Variants in CACNA2D3 observed in about 807,000 individuals in gnomAD.
The protein encoded by CACNA2D3 is voltage-dependent calcium channel subunit alpha-2/delta-3.
Under a neutral mutation model 160.6 loss-of-function variants are expected in CACNA2D3, and 60 were observed. That is an observed-to-expected ratio of 0.37 (90% CI 0.30 to 0.46). The LOEUF (loss-of-function observed/expected upper bound fraction) is 0.46, where lower values mean the gene tolerates loss of function less well. Among genes scored for constraint, CACNA2D3 ranks in the 20% least tolerant of loss-of-function variants. CACNA2D3 has a pLI of 1.00. For synonymous variants in CACNA2D3, 558 were observed against 492.9 expected (o/e 1.13, Z -1.75); for missense variants, 1,205 against 1,365.0 (o/e 0.88, Z 1.85).
At chr3:54,233,847 T>C (rs1057497881) in intron 2 of CACNA2D3, among the ~76,000 whole-genome samples, 1 of 152,222 alleles carries the variant, frequency 6.6e-6, no homozygotes, top group African/African-American at 2.4e-5. Context: ...GAATTGATTT[T>C]ATCTAGAAGA....
At chr3:54,658,850 G>A (rs1184400434) in intron 11 of CACNA2D3, among the ~76,000 whole-genome samples, 1 of 152,018 alleles carries the variant, frequency 6.6e-6, no homozygotes, top group Non-Finnish European at 1.5e-5. Context: ...AAGGCCTGGT[G>A]TGATGGGTGC....
At chr3:54,660,612 C>A (rs1031267116) in intron 11 of CACNA2D3, among the ~76,000 whole-genome samples, 2 of 152,204 alleles carry the variant, frequency 1.3e-5, no homozygotes, top group African/African-American at 4.8e-5. Context: ...CTGAGGCTCC[C>A]AATGCCAAAT....
intron 2 of CACNA2D3, among the ~76,000 whole-genome samples, chr3:54,130,638 C>T (rs1181725387): frequency 1.3e-5 from 2 of 152,208 alleles, no homozygotes; most frequent in East Asian, 3.9e-4. Flanking sequence ...GCTGGCAGAA[C>T]TGAAGCAGCC....
chr3:54,901,826 T>A (rs1334568087), intron 27 of CACNA2D3, among the ~76,000 whole-genome samples: 1 of 152,208 alleles, frequency 6.6e-6, no homozygotes, highest in Non-Finnish European at 1.5e-5. Flanking sequence ...ACGAAGGCAG[T>A]GACCTCAAGA....
At chr3:54,618,797 C>T (rs1335508730) in intron 9 of CACNA2D3, among the ~76,000 whole-genome samples, 2 of 152,174 alleles carry the variant, frequency 1.3e-5, no homozygotes, top group African/African-American at 2.4e-5. Context: ...GACGAGTGCG[C>T]TGGCACCCAC....
intron 35 of CACNA2D3, among the ~76,000 whole-genome samples, chr3:55,041,701 A>C (rs1007730395): frequency 6.6e-6 from 1 of 150,904 alleles, no homozygotes; most frequent in Non-Finnish European, 1.5e-5. Flanking sequence ...GATTTCTTCT[A>C]TTTTCTTTGG....
chr3:54,821,641 G>GTTCTTTCTTTCTTT lies in CACNA2D3; in HGVS notation c.1398+4772_1398+4785dup, dbSNP rs1553873527. On this transcript the variant is annotated intron_variant, in intron 14 of 37. Transcript: ENST00000474759. ...AGCCTTCGTTTTTCTAGAGTCTTTC[G>GTTCTTTCTTTCTTT]TTCTTTCTTTCTTTCTTTCTTTCTT... Among the ~76,000 whole-genome samples, 71 of 107,824 alleles carry GTTCTTTCTTTCTTT rather than the reference G, an allele frequency of 6.6e-4. 1 individual carries two copies. Among genetic ancestry groups the GTTCTTTCTTTCTTT allele is most frequent in the South Asian group, 1.6e-3 (5 of 3,074 alleles). The allele number at this position is 107,824 out of a possible 152,430, so 70.7% of individuals were successfully genotyped here.
chr3:54,132,514 C>T (rs995885236), intron 2 of CACNA2D3, among the ~76,000 whole-genome samples: 3 of 152,190 alleles, frequency 2.0e-5, no homozygotes, highest in Non-Finnish European at 4.4e-5. Context: ...CAGGAGAGGG[C>T]TCACAGCTCA....
intron 28 of CACNA2D3, 39 bp downstream of exon 28, chr3:54,968,550 G>A (rs763009565): frequency 1.4e-5 from 21 of 1,479,830 alleles, no homozygotes; most frequent in Admixed American, 1.8e-5. Flanking sequence ...TAGCGACACT[G>A]TTATTATACA....
chr3:54,729,167 C>T (rs539495781), intron 11 of CACNA2D3, among the ~76,000 whole-genome samples: 24 of 152,166 alleles, frequency 1.6e-4, no homozygotes, highest in Admixed American at 3.9e-4. Context: ...GTGATCCACC[C>T]GCCTCGGCCT....
At chr3:54,869,193 T>C (rs975319636) in intron 17 of CACNA2D3, among the ~76,000 whole-genome samples, 2 of 152,206 alleles carry the variant, frequency 1.3e-5, no homozygotes, top group South Asian at 2.1e-4. Context: ...TTAACAGTGG[T>C]TGAAATAACA....
At chr3:54,827,660 T>C (rs1354589784) in intron 14 of CACNA2D3, among the ~76,000 whole-genome samples, 2 of 152,150 alleles carry the variant, frequency 1.3e-5, no homozygotes, top group African/African-American at 4.8e-5. Context: ...CACAAAGATA[T>C]TCAGTGAAGG....
intron 8 of CACNA2D3, 31 bp downstream of exon 8, chr3:54,570,135 C>T (rs772141915): frequency 1.9e-6 from 3 of 1,603,196 alleles, no homozygotes; most frequent in Non-Finnish European, 2.6e-6. Context: ...CTTCTTTGCA[C>T]TTGGGTTCAT....
intron 4 of CACNA2D3, among the ~76,000 whole-genome samples, chr3:54,482,664 C>T (rs1401527504): frequency 6.6e-6 from 1 of 152,118 alleles, no homozygotes; most frequent in Non-Finnish European, 1.5e-5. Flanking sequence ...AAACCAGAAA[C>T]CTCAGGGGAT....
At chr3:54,279,542 G>A (rs563646168) in intron 2 of CACNA2D3, among the ~76,000 whole-genome samples, 1 of 152,266 alleles carries the variant, frequency 6.6e-6, no homozygotes, top group South Asian at 2.1e-4. Context: ...TGAAAATGGA[G>A]CTTTCATTTA....
intron 31 of CACNA2D3, among the ~76,000 whole-genome samples, chr3:54,995,373 G>T (rs1362271659): frequency 6.6e-6 from 1 of 152,194 alleles, no homozygotes; most frequent in South Asian, 2.1e-4. Context: ...ACGACTTAAA[G>T]AACATAAGAG....
At chr3:54,899,316 G>T (rs550730417) in intron 26 of CACNA2D3, among the ~76,000 whole-genome samples, 1 of 152,142 alleles carries the variant, frequency 6.6e-6, no homozygotes. Flanking sequence ...AACTGGGCTC[G>T]AAATTACAAT....
At chr3:54,543,352 G>A (rs1157240353) in intron 5 of CACNA2D3, among the ~76,000 whole-genome samples, 1 of 152,102 alleles carries the variant, frequency 6.6e-6, no homozygotes, top group African/African-American at 2.4e-5. Flanking sequence ...TTTTAACAGT[G>A]GTTCTCAATT....
At chr3:54,912,659 T>C (rs1700583544) in intron 27 of CACNA2D3, among the ~76,000 whole-genome samples, 1 of 152,070 alleles carries the variant, frequency 6.6e-6, no homozygotes, top group African/African-American at 2.4e-5. Flanking sequence ...AAATAAAAAC[T>C]CTTCCTCTTC....
Sources: gnomAD v4.1 joint callset for allele counts (sites outside exome capture counted in the v4.1 genomes callset) on GRCh38, gnomAD v4.1.1 for gene constraint, MANE v1.5 for transcripts, NCBI Gene and HGNC (gene_info 2026-07-23, HGNC 2026-07-21) for gene names.